XPC: variants seen among roughly 807,000 people sequenced by gnomAD.
XPC encodes XPC complex subunit, DNA damage recognition and repair factor.
XPC carries 76 observed loss-of-function variants against 95.8 expected under a neutral mutation model. That is an observed-to-expected ratio of 0.79 (90% CI 0.66 to 0.96). The LOEUF (loss-of-function observed/expected upper bound fraction) is 0.96. Among genes scored for constraint, XPC ranks in the 40% least tolerant of loss-of-function variants. XPC has a pLI of 0.00. For synonymous variants in XPC, 442 were observed against 442.1 expected, an observed-to-expected ratio of 1.00 and a Z score of 0.00; for missense variants, 1,146 against 1,179.8, an observed-to-expected ratio of 0.97 and a Z score of 0.42.
In XPC at chr3:14,165,604, G is replaced by A. The variant is rs1316584344; in HGVS notation, c.622-19C>T. 1.2e-6 allele frequency: 2 copies of A among 1,612,658 alleles called. No homozygotes were observed. Among genetic ancestry groups the A allele is most frequent in the Admixed American group, 1.7e-5 (1 of 59,882 alleles). On this transcript the variant is annotated intron_variant, in intron 5 of 15. Transcript: ENST00000285021. ...GGTGAACCTGTGAAGAGGAAAGGAGGAAGGGGCAGCATGGAAGGAAGGCCG... is the reference window on the plus strand; with the variant it reads ...GGTGAACCTGTGAAGAGGAAAGGAGAAAGGGGCAGCATGGAAGGAAGGCCG...
chr3:14,167,283 G>T, intron 4 of XPC, 30 bp from the exon 5 acceptor site: 1 of 1,587,784 alleles, frequency 6.3e-7, no homozygotes, highest in Non-Finnish European at 8.6e-7. Flanking sequence ...ATCTGGGAAT[G>T]AAGGGGGGAA....
At chr3:14,169,017 G>A (rs1339896141) in intron 3 of XPC, among the ~76,000 whole-genome samples, 3 of 152,218 alleles carry the variant, frequency 2.0e-5, no homozygotes, top group African/African-American at 4.8e-5. Flanking sequence ...TACTGGCAAA[G>A]AATGCATCTA....
Position 14,147,910 on chromosome 3 carries a change from CCTT to C in XPC, c.2509_2511del (p.Lys837del). 3 of 1,598,812 alleles carry C rather than the reference CCTT, an allele frequency of 1.9e-6. No individual in the cohort carries two copies. Among genetic ancestry groups the C allele is most frequent in the Non-Finnish European group, 2.6e-6 (3 of 1,171,934 alleles). On this transcript the variant is annotated inframe_deletion, in exon 14 of 16. Transcript: ENST00000285021. The stretch of plus-strand genomic sequence containing the variant: ...CTCAGTCCTGCATATGCGCTTACCT[CCTT>C]CTCCTTCCTTTCAATGACTGCCTGC...
Position 14,158,257 on chromosome 3 carries a change from C to G in XPC, c.1626G>C (p.Trp542Cys). Residue 542 changes from tryptophan (W) to cysteine (C), a missense_variant, in exon 9 of 16, where the codon TGG (tryptophan) becomes TGC (cysteine). Physicochemically the swap from Trp to Cys is radical, Grantham distance 215. Transcript: ENST00000285021. This position sits in a 1 kb window ranked among gnomAD's most constrained non-coding sequence, Gnocchi z 5.2. The stretch of plus-strand genomic sequence containing the variant: ...CACCGTGCACACAGTCTACACATAC[C>G]CACTTTTCCTCCTGCTCACAGAACA... Reference protein sequence around the residue: ...LEVFCEQEEKWVCVDCVHGVV... With the variant: ...LEVFCEQEEKCVCVDCVHGVV... The G allele has an allele frequency of 6.2e-7, 1 of 1,614,002 alleles. No individual in the cohort carries two copies. The highest frequency in any genetic ancestry group is 8.5e-7 in the Non-Finnish European group (1 of 1,179,892).
Position 14,159,662 on chromosome 3 carries a change from TATA to T in XPC, c.990+76_990+78del, listed in dbSNP as rs1384228086. Reference sequence around the variant, plus strand: ...TCCGTGAATACCAGCTCTTAAAAAATATAATAATGATCAATTTTTTTAAGTGTG... The same window carrying T: ...TCCGTGAATACCAGCTCTTAAAAAATATAATGATCAATTTTTTTAAGTGTG... On this transcript the variant is annotated intron_variant, in intron 8 of 15. Coordinates refer to ENST00000285021, the MANE Select transcript of XPC (RefSeq NM_004628.5). The T allele has an allele frequency of 3.6e-6, 5 of 1,371,484 alleles. No individual in the cohort carries two copies. In the South Asian group the frequency reaches 3.8e-5, roughly 10 times the overall value. The allele number at this position is 1,371,484 out of a possible 1,614,324, so 85.0% of individuals were successfully genotyped here. A position where few individuals can be genotyped will look rare whatever the true frequency, so the allele number is the denominator to read the frequency against.
At chr3:14,171,484 G>A (rs1317768072) in intron 2 of XPC, among the ~76,000 whole-genome samples, 1 of 152,166 alleles carries the variant, frequency 6.6e-6, no homozygotes, top group African/African-American at 2.4e-5. Flanking sequence ...ATATGTCTCT[G>A]GAGATAGAAT....
chr3:14,150,222 T>TA (rs1204014152), intron 11 of XPC, among the ~76,000 whole-genome samples: 5 of 152,216 alleles, frequency 3.3e-5, no homozygotes, highest in African/African-American at 1.2e-4. Flanking sequence ...ACGTAACTCT[T>TA]AGAGGAGTCA....
rs776073385 is a variant in XPC at position 14,164,879 on chromosome 3, G to A, written c.834C>T (p.Asn278=). 1 of 1,612,614 alleles carries A rather than the reference G, an allele frequency of 6.2e-7. No individual in the cohort carries two copies. Among genetic ancestry groups the A allele is most frequent in the Admixed American group, 1.7e-5 (1 of 59,912 alleles). The change falls in exon 7 of 16, where the codon AAC becomes AAT. Residue 278 remains asparagine, a synonymous_variant. Transcript: ENST00000285021. The stretch of plus-strand genomic sequence containing the variant: ...ATCTCCTTTCCAATGTAGTCTGCAG[G>A]TTATCTTGTTCACTGGCTGAAAGTT... ...NAELSASEQD[N]LQTTLERRFA...
chr3:14,147,986 G>T lies in XPC; in HGVS notation c.2436C>A (p.Ile812=), dbSNP rs1162432056. ...GCACGTCTTTGAATTCCTCGCAGAC[G>T]ATGTATCCATCAGTCCTGTGGGGAC... ...GYSHPVTDGY[I]VCEEFKDVLL... is the part of the protein sequence containing the mutation. Residue 812 remains isoleucine (I), a synonymous_variant, in exon 14 of 16, where the codon ATC becomes ATA. Coordinates refer to ENST00000285021, the MANE Select transcript of XPC (RefSeq NM_004628.5). 3 of 1,589,526 alleles carry T rather than the reference G, an allele frequency of 1.9e-6. No homozygotes were observed. The Admixed American group carries it at 5.3e-5, about 28-fold the overall frequency.
rs1695544508 is a variant in XPC at position 14,148,577 on chromosome 3, C to T, written c.2405G>A (p.Gly802Asp). 1.2e-6 allele frequency: 2 copies of T among 1,613,754 alleles called. No individual in the cohort carries two copies. The highest frequency in any genetic ancestry group is 1.7e-6 in the Non-Finnish European group (2 of 1,179,826). ...CCTCACGCACACGGGATGGGAGTAG[C>T]CGCCATGGAAATCAAAGCCAGTGAT... ...QAITGFDFHG[G>D]YSHPVTDGYI... The change falls in exon 13 of 16, where the codon GGC (glycine) becomes GAC (aspartate). Residue 802 changes from glycine (G) to aspartate (D), a missense_variant. Transcript: ENST00000285021.
Position 14,165,451 on chromosome 3 carries a change from G to C in XPC, c.756C>G (p.Tyr252Ter). The C allele has an allele frequency of 6.3e-7, 1 of 1,598,828 alleles. No homozygotes were observed. Among genetic ancestry groups the C allele is most frequent in the Non-Finnish European group, 8.5e-7 (1 of 1,172,510 alleles). ...ACCACTTCACCAGGTTTGAGAGGTA[G>C]TAGGTGTCCACATCTCGAGGCAGCA... is the stretch of plus-strand genomic sequence containing the variant. ...TRVLPRDVDT[Y>*]YLSNLVKWFI... The change falls in exon 6 of 16, where the codon TAC becomes TAG. Residue 252 changes from tyrosine to a stop codon, truncating the protein, a stop_gained. Transcript: ENST00000285021. LOFTEE classifies it high-confidence loss of function.
chr3:14,165,458 T>C lies in XPC; in HGVS notation c.749A>G (p.Asp250Gly), dbSNP rs201247727. The change falls in exon 6 of 16, where the codon GAC becomes GGC. Residue 250 changes from aspartate to glycine, a missense_variant. Physicochemically the swap from Asp to Gly is moderately conservative, Grantham distance 94. Coordinates refer to ENST00000285021, the MANE Select transcript of XPC (RefSeq NM_004628.5). ...RFTRVLPRDV[D>G]TYYLSNLVKW... is the part of the protein sequence containing the mutation. ...CACCAGGTTTGAGAGGTAGTAGGTGTCCACATCTCGAGGCAGCACTCTGGT... is the reference window on the plus strand; with the variant it reads ...CACCAGGTTTGAGAGGTAGTAGGTGCCCACATCTCGAGGCAGCACTCTGGT... The C allele has an allele frequency of 5.4e-5, 86 of 1,600,230 alleles. No homozygotes were observed. The African/African-American group carries it at 1.1e-3, about 20-fold the overall frequency.
chr3:14,165,780 A>C, intron 5 of XPC, 195 bp from the exon 6 acceptor site: 1 of 572,014 alleles, frequency 1.7e-6, no homozygotes. Flanking sequence ...CTGTATACTC[A>C]TTCCTTCAAA....
intron 9 of XPC, among the ~76,000 whole-genome samples, chr3:14,157,328 C>A (rs1025045920): frequency 3.3e-5 from 5 of 152,092 alleles, no homozygotes; most frequent in Admixed American, 6.5e-5. Context: ...TTTACCTATC[C>A]TGAGGGATTG....
intron 2 of XPC, 118 bp downstream of exon 2, chr3:14,172,749 A>G (rs2125045661): frequency 1.7e-6 from 2 of 1,207,364 alleles, no homozygotes; most frequent in Non-Finnish European, 2.3e-6. Context: ...ACCTAGAAGA[A>G]TTTAAAGATC....
Position 14,147,969 on chromosome 3 carries a change from T to C in XPC, c.2453A>G (p.Lys818Arg), listed in dbSNP as rs367953088. 29 of 1,599,410 alleles carry C rather than the reference T, an allele frequency of 1.8e-5. No individual in the cohort carries two copies. Among genetic ancestry groups the C allele is most frequent in the African/African-American group, 1.3e-4 (10 of 74,896 alleles). The change falls in exon 14 of 16, where the codon AAA (lysine) becomes AGA (arginine). Residue 818 changes from lysine (K) to arginine (R), a missense_variant. Transcript: ENST00000285021. ...TDGYIVCEEF[K>R]DVLLTAWENE... ...TTCCCAGGCAGTCAGGAGCACGTCT[T>C]TGAATTCCTCGCAGACGATGTATCC...
intron 5 of XPC, 87 bp from the exon 6 acceptor site, chr3:14,165,672 TG>T: frequency 1.3e-6 from 2 of 1,494,564 alleles, no homozygotes; most frequent in Non-Finnish European, 1.8e-6. Flanking sequence ...AGACATGCTG[TG>T]GACAAGAAAT....
intron 7 of XPC, among the ~76,000 whole-genome samples, chr3:14,161,598 C>T (rs1574965767): frequency 6.9e-6 from 1 of 145,206 alleles, no homozygotes; most frequent in Non-Finnish European, 1.5e-5. Context: ...AAGAAAAACG[C>T]ACCTGAGACA....
chr3:14,148,497 C>CAAGCCCCATGCCTCAAGTA (rs1367849038), intron 13 of XPC, 65 bp downstream of exon 13: 73 of 1,583,110 alleles, frequency 4.6e-5, no homozygotes, highest in Non-Finnish European at 5.9e-5. Flanking sequence ...AGCTTTCCAT[C>CAAGCCCCATGCCTCAAGTA]CCCATCTCTG....
Sources: allele counts gnomAD v4.1 joint callset (sites outside exome capture counted in the v4.1 genomes callset), GRCh38; gene constraint gnomAD v4.1.1; non-coding constraint Gnocchi (gnomAD v3.1); transcripts MANE v1.5; gene names NCBI Gene and HGNC (gene_info 2026-07-23, HGNC 2026-07-21).